PRKCZ: variants seen among roughly 807,000 people sequenced by gnomAD.
PRKCZ encodes protein kinase C zeta type.
Under a neutral mutation model 79.5 loss-of-function variants are expected in PRKCZ, and 33 were observed. The ratio of observed to expected loss-of-function variants is 0.41; its 90% CI spans 0.31 to 0.55. The LOEUF is 0.55. Among genes scored for constraint, PRKCZ ranks in the 20% least tolerant of loss-of-function variants. The probability of loss-of-function intolerance (pLI) is 0.19; values close to 1 mark genes in which losing one functional copy is unlikely to be tolerated. For synonymous variants in PRKCZ, 342 were observed against 320.9 expected (o/e 1.07, Z -0.70); for missense variants, 578 against 813.5 (o/e 0.71, Z 3.52).
At position 2,055,338 on chromosome 1, in the gene PRKCZ, A is replaced by G. The variant is rs1254371491; in HGVS notation, c.72-103A>G. The G allele has an allele frequency of 6.5e-6, 9 of 1,383,516 alleles. 1 individual carries two copies. Among genetic ancestry groups the G allele is most frequent in the Middle Eastern group, 1.9e-4 (1 of 5,394 alleles). 85.7% of individuals were successfully genotyped at this position (1,383,516 alleles called of 1,614,324 possible). On this transcript the variant is annotated intron_variant, in intron 1 of 17. Coordinates refer to ENST00000378567, the MANE Select transcript of PRKCZ (RefSeq NM_002744.6). ...GGGCTGTCATATTGTCTTTGGGGAAAGTTTCATTTATCTAATCAATGATTT... is the reference window on the plus strand; with the variant it reads ...GGGCTGTCATATTGTCTTTGGGGAAGGTTTCATTTATCTAATCAATGATTT...
intron 5 of PRKCZ, among the ~76,000 whole-genome samples, chr1:2,136,460 A>C (rs985348107): frequency 2.6e-5 from 4 of 152,138 alleles, no homozygotes; most frequent in African/African-American, 9.7e-5. Flanking sequence ...CTGGAGGAGG[A>C]GGCATCTGAT....
In PRKCZ at chr1:2,125,772, A is replaced by G. The variant is rs1320812518; in HGVS notation, c.335-9490A>G. On this transcript the variant is annotated intron_variant, in intron 4 of 17. Transcript: ENST00000378567. This position sits in a 1 kb window ranked among gnomAD's most constrained non-coding sequence, Gnocchi z 4.2. The stretch of plus-strand genomic sequence containing the variant: ...CAGATTTGCTCAGGGTCCCTCCAGC[A>G]GTCCATGCCGCAGAGGCTGTCCCTT... Among the ~76,000 whole-genome samples, 1 of 152,232 alleles carries G rather than the reference A, an allele frequency of 6.6e-6. No homozygotes were observed. Among genetic ancestry groups the G allele is most frequent in the Non-Finnish European group, 1.5e-5 (1 of 68,030 alleles).
At chr1:2,073,183 G>A (rs957109558) in intron 4 of PRKCZ, among the ~76,000 whole-genome samples, 4 of 152,082 alleles carry the variant, frequency 2.6e-5, no homozygotes, top group Non-Finnish European at 5.9e-5. Flanking sequence ...GAGGGTGTGC[G>A]TTTCCAGGCC....
At position 2,137,988 on chromosome 1, in the gene PRKCZ, C is replaced by G. The variant is rs3765913; in HGVS notation, c.420+2641C>G. Among the ~76,000 whole-genome samples, 22 of 152,360 alleles carry G rather than the reference C, an allele frequency of 1.4e-4. No homozygotes were observed. In the East Asian group the frequency reaches 4.1e-3, roughly 28 times the overall value. ...GAGGGCGGCTGCCCTGCAGTTCAGC[C>G]TGTCCGATTCCCGCCTAATTGTGCC... is the stretch of plus-strand genomic sequence containing the variant. On this transcript the variant is annotated intron_variant, in intron 5 of 17. Transcript: ENST00000378567.
chr1:2,150,002 C>CAA (rs764428801), intron 8 of PRKCZ, among the ~76,000 whole-genome samples: 1 of 119,566 alleles, frequency 8.4e-6, no homozygotes, highest in Non-Finnish European at 1.8e-5. Context: ...ACTAAAAATA[C>CAA]AAAAAAAAAA....
At position 2,128,980 on chromosome 1, in the gene PRKCZ, G is replaced by A. The variant is rs114991106; in HGVS notation, c.335-6282G>A. The stretch of plus-strand genomic sequence containing the variant: ...TTTTCACAGCGCTGTCTGTCGCTTA[G>A]GTCAGAAATAGGCCCATCGCTTTCC... On this transcript the variant is annotated intron_variant, in intron 4 of 17. Transcript: ENST00000378567. The surrounding 1 kb of genome is among the most constrained non-coding windows in gnomAD (Gnocchi z 6.5). Among the ~76,000 whole-genome samples the A allele has an allele frequency of 0.014, 2,133 of 152,208 alleles. 40 individuals carry two copies. The highest frequency in any genetic ancestry group is 0.049 in the African/African-American group (2,022 of 41,508).
At chr1:2,051,934 A>G (rs1021598062) in intron 1 of PRKCZ, among the ~76,000 whole-genome samples, 1 of 152,192 alleles carries the variant, frequency 6.6e-6, no homozygotes, top group Non-Finnish European at 1.5e-5. Context: ...GTTTGGTGCC[A>G]GAACCAGAAG....
chr1:2,093,873 G>A lies in PRKCZ; in HGVS notation c.334+34282G>A, dbSNP rs939361796. ...CACGGGACGAGCCGAGGATCCCCGC[G>A]TCGACGTGGAGGTCCGCGGCCGTCA... On this transcript the variant is annotated intron_variant, in intron 4 of 17. Transcript: ENST00000378567. 3.9e-5 allele frequency among the ~76,000 whole-genome samples: 6 copies of A among 152,174 alleles called. 1 individual carries two copies. The highest frequency in any genetic ancestry group is 9.7e-5 in the African/African-American group (4 of 41,428).
chr1:2,156,557 G>T (rs1557699409), intron 10 of PRKCZ: 1 of 194,608 alleles, frequency 5.1e-6, no homozygotes, highest in Admixed American at 5.3e-5. Context: ...TATTTGAAGA[G>T]TTATTAAGTA....
In PRKCZ at chr1:2,116,611, G is replaced by A. The variant is rs1670812283; in HGVS notation, c.335-18651G>A. On this transcript the variant is annotated intron_variant, in intron 4 of 17. Coordinates refer to ENST00000378567, the MANE Select transcript of PRKCZ (RefSeq NM_002744.6). ...GGCTTTTGCGTCCTGGCTGTGTGTG[G>A]GGCCTCTTTCTGGACTGATCTGTCC... 2.6e-5 allele frequency among the ~76,000 whole-genome samples: 4 copies of A among 152,106 alleles called. No homozygotes were observed. In the South Asian group the frequency reaches 8.3e-4, roughly 32 times the overall value.
At chr1:2,123,995 GTGGTTAGGGTCA>G (rs1459298835) in intron 4 of PRKCZ, among the ~76,000 whole-genome samples, 3 of 15,012 alleles carry the variant, frequency 2.0e-4, no homozygotes, top group African/African-American at 3.3e-4. Flanking sequence ...TAGGGTCGTG[GTGGTTAGGGTCA>G]CGGTGGCGGT....
chr1:2,054,405 T>C (rs1029296888), intron 1 of PRKCZ, among the ~76,000 whole-genome samples: 1 of 152,102 alleles, frequency 6.6e-6, no homozygotes, highest in Non-Finnish European at 1.5e-5. Flanking sequence ...TGAGACCAGC[T>C]CTTGCTCAGT....
At chr1:2,063,182 G>A (rs1425274541) in intron 4 of PRKCZ, among the ~76,000 whole-genome samples, 1 of 152,192 alleles carries the variant, frequency 6.6e-6, no homozygotes, top group Admixed American at 6.5e-5. Flanking sequence ...GGACACACGG[G>A]TGACTTCCAC....
At chr1:2,150,692 G>A (rs996034245) in intron 8 of PRKCZ, 98 bp from the exon 9 acceptor site, 1 of 1,248,022 alleles carries the variant, frequency 8.0e-7, no homozygotes, top group Non-Finnish European at 1.1e-6. Context: ...GGGCTCTGAG[G>A]AGCAGGTCTC....
chr1:2,160,716 A>T (rs564654036), intron 10 of PRKCZ, among the ~76,000 whole-genome samples: 2 of 151,276 alleles, frequency 1.3e-5, no homozygotes, highest in South Asian at 4.2e-4. Flanking sequence ...GGTGGGGAGG[A>T]GGGGCCTGTC....
At chr1:2,156,591 C>G (rs1409712905) in intron 10 of PRKCZ, 1 of 164,990 alleles carries the variant, frequency 6.1e-6, no homozygotes, top group Non-Finnish European at 1.3e-5. Flanking sequence ...GTCCTCAAGA[C>G]CATCCCCAGG....
At position 2,173,797 on chromosome 1, in the gene PRKCZ, A is replaced by T. The variant is rs1316123054; in HGVS notation, c.1286-100A>T. 3 of 1,473,964 alleles carry T rather than the reference A, an allele frequency of 2.0e-6. No homozygotes were observed. The highest frequency in any genetic ancestry group is 2.3e-5 in the Admixed American group (1 of 43,794). 91.3% of individuals were successfully genotyped at this position (1,473,964 alleles called of 1,614,324 possible). Reference sequence around the variant, plus strand: ...TGTGCCGCCTGCTCAAGCCTGGCTCACACTCGTGTCAACTGGGCATGAAAA... The same window carrying T: ...TGTGCCGCCTGCTCAAGCCTGGCTCTCACTCGTGTCAACTGGGCATGAAAA... On this transcript the variant is annotated intron_variant, in intron 13 of 17. Transcript: ENST00000378567. The surrounding 1 kb of genome is among the most constrained non-coding windows in gnomAD (Gnocchi z 5.7).
At position 2,075,901 on chromosome 1, in the gene PRKCZ, T is replaced by C. The variant is rs1410335759; in HGVS notation, c.334+16310T>C. Reference sequence around the variant, plus strand: ...GTGTAGCAGCGGGGGCTGCGTCTCATCTGCCACACGTTTCTGATCGCCGAG... The same window carrying C: ...GTGTAGCAGCGGGGGCTGCGTCTCACCTGCCACACGTTTCTGATCGCCGAG... On this transcript the variant is annotated intron_variant, in intron 4 of 17. Coordinates refer to ENST00000378567, the MANE Select transcript of PRKCZ (RefSeq NM_002744.6). The surrounding 1 kb of genome is among the most constrained non-coding windows in gnomAD (Gnocchi z 4.8). Among the ~76,000 whole-genome samples the C allele has an allele frequency of 6.6e-6, 1 of 152,230 alleles. No individual in the cohort carries two copies. Among genetic ancestry groups the C allele is most frequent in the Non-Finnish European group, 1.5e-5 (1 of 68,034 alleles).
At chr1:2,066,358 T>C (rs933185097) in intron 4 of PRKCZ, among the ~76,000 whole-genome samples, 1 of 151,936 alleles carries the variant, frequency 6.6e-6, no homozygotes, top group Non-Finnish European at 1.5e-5. Flanking sequence ...TTCTCTTTCT[T>C]TCTCTCTCTC....
Sources: allele counts gnomAD v4.1 joint callset (sites outside exome capture counted in the v4.1 genomes callset), GRCh38; gene constraint gnomAD v4.1.1; non-coding constraint Gnocchi (gnomAD v3.1); transcripts MANE v1.5; gene names NCBI Gene and HGNC (gene_info 2026-07-23, HGNC 2026-07-21).